The following RBFOX1 variants were observed in gnomAD, a reference collection of about 807,000 sequenced individuals.
RBFOX1 encodes the protein RNA binding fox-1 homolog 1.
A neutral mutation model predicts 57.7 loss-of-function variants in RBFOX1; 8 were observed. That is an observed-to-expected ratio of 0.14 (90% CI 0.08 to 0.25). The LOEUF is 0.25. Among genes scored for constraint, RBFOX1 ranks in the 10% least tolerant of loss-of-function variants. RBFOX1 has a pLI of 1.00. For missense variants in RBFOX1, 611 were observed against 548.5 expected, an observed-to-expected ratio of 1.11 and a Z score of -1.14; for synonymous variants, 326 against 222.4, an observed-to-expected ratio of 1.47 and a Z score of -4.15.
chr16:6,804,245 T>G (rs1339733758), intron 3 of RBFOX1, among the ~76,000 whole-genome samples: 1 of 151,772 alleles, frequency 6.6e-6, no homozygotes, highest in Non-Finnish European at 1.5e-5. Flanking sequence ...CCTGACCTCT[T>G]GATCCGCCCA....
chr16:5,335,124 A>G (rs8046089), intron 1 of RBFOX1, among the ~76,000 whole-genome samples: 152,186 of 152,260 alleles, frequency 1, 76,056 homozygotes, highest in Middle Eastern at 1. Flanking sequence ...GCGAAGACTG[A>G]ATATTATAAA....
At chr16:5,309,695 T>G (rs2064032397) in intron 1 of RBFOX1, among the ~76,000 whole-genome samples, 1 of 152,174 alleles carries the variant, frequency 6.6e-6, no homozygotes, top group Admixed American at 6.5e-5. Flanking sequence ...TCTGGTTTGG[T>G]AATGTCATTT....
At position 6,129,715 on chromosome 16, in the gene RBFOX1, A is replaced by AG. The variant is rs570778179; in HGVS notation, c.-127+109723_-127+109724insG. 4.6e-5 allele frequency among the ~76,000 whole-genome samples: 7 copies of AG among 151,004 alleles called. No homozygotes were observed. In the South Asian group the frequency reaches 1.0e-3, roughly 22 times the overall value. ...TACAGGTAGAATTAAAAAAAAAAAA[A>AG]AGAACTAAACTCAGACATCAGTCAT... is the stretch of plus-strand genomic sequence containing the variant. On this transcript the variant is annotated intron_variant, in intron 1 of 15. Coordinates refer to ENST00000550418, the MANE Select transcript of RBFOX1 (RefSeq NM_018723.4).
At chr16:7,248,289 C>T (rs138047131) in intron 4 of RBFOX1, among the ~76,000 whole-genome samples, 1 of 152,174 alleles carries the variant, frequency 6.6e-6, no homozygotes, top group Non-Finnish European at 1.5e-5. Context: ...TGCTGCCTTT[C>T]CTACCTACTG....
In RBFOX1 at chr16:7,457,345, C is replaced by T. The variant is rs114333819; in HGVS notation, c.28-60802C>T. 4.4e-3 allele frequency among the ~76,000 whole-genome samples: 677 copies of T among 152,274 alleles called. 4 individuals are homozygous for T. The highest frequency in any genetic ancestry group is 0.016 in the African/African-American group (656 of 41,546). On this transcript the variant is annotated intron_variant, in intron 4 of 15. Coordinates refer to ENST00000550418, the MANE Select transcript of RBFOX1 (RefSeq NM_018723.4). ...GCTGGGCCTCCTGACATTGGTGACC[C>T]AGTTCTGAATTCCAGAATGACAGTT...
intron 4 of RBFOX1, among the ~76,000 whole-genome samples, chr16:7,105,785 T>TAG: frequency 6.8e-6 from 1 of 147,106 alleles, no homozygotes. Context: ...TAGATGTATA[T>TAG]AGAGATAGAT....
At chr16:7,232,688 A>T (rs1253358276) in intron 4 of RBFOX1, among the ~76,000 whole-genome samples, 1 of 151,976 alleles carries the variant, frequency 6.6e-6, no homozygotes, top group Non-Finnish European at 1.5e-5. Context: ...CTAAAAATGC[A>T]AAATTAGCTG....
At chr16:6,844,466 G>T (rs546160753) in intron 3 of RBFOX1, among the ~76,000 whole-genome samples, 2 of 152,030 alleles carry the variant, frequency 1.3e-5, no homozygotes, top group Admixed American at 6.6e-5. Flanking sequence ...CTGTTCCTGC[G>T]TTAGTTATCT....
intron 3 of RBFOX1, among the ~76,000 whole-genome samples, chr16:6,654,984 CAT>C (rs547996026): frequency 2.4e-3 from 225 of 92,226 alleles, no homozygotes; most frequent in African/African-American, 8.6e-3. Context: ...TTGTGTGTAT[CAT>C]ATGTATAATT....
At chr16:6,775,266 C>T (rs914063634) in intron 3 of RBFOX1, among the ~76,000 whole-genome samples, 4 of 142,088 alleles carry the variant, frequency 2.8e-5, no homozygotes, top group African/African-American at 7.8e-5. Context: ...GGAGGCCGAG[C>T]TTGCAGTGAG....
intron 3 of RBFOX1, among the ~76,000 whole-genome samples, chr16:6,905,080 C>A (rs903730144): frequency 3.3e-5 from 5 of 152,214 alleles, no homozygotes; most frequent in African/African-American, 1.2e-4. Context: ...GTTTAACTTT[C>A]TTCCCTGGGA....
At chr16:7,002,029 G>A (rs538997058) in intron 3 of RBFOX1, among the ~76,000 whole-genome samples, 21 of 152,158 alleles carry the variant, frequency 1.4e-4, no homozygotes, top group Non-Finnish European at 2.6e-4. Context: ...AGTTGATTCA[G>A]GGATGGGCAT....
chr16:7,023,308 A>G (rs561981501), intron 3 of RBFOX1, among the ~76,000 whole-genome samples: 1 of 151,760 alleles, frequency 6.6e-6, no homozygotes, highest in Non-Finnish European at 1.5e-5. Context: ...AAAATACAAA[A>G]AGTTAGCTGG....
intron 1 of RBFOX1, among the ~76,000 whole-genome samples, chr16:5,314,323 G>A (rs549819317): frequency 3.3e-5 from 5 of 152,278 alleles, no homozygotes; most frequent in African/African-American, 1.2e-4. Context: ...TGTGGAGTGT[G>A]GAGAGGGGGA....
At chr16:7,560,061 G>A (rs1391956198) in intron 5 of RBFOX1, among the ~76,000 whole-genome samples, 3 of 152,348 alleles carry the variant, frequency 2.0e-5, no homozygotes, top group Non-Finnish European at 4.4e-5. Context: ...ACTCTGGGAT[G>A]GGGCCCAGAA....
intron 4 of RBFOX1, among the ~76,000 whole-genome samples, chr16:5,945,136 A>G (rs974042597): frequency 2.6e-5 from 4 of 152,018 alleles, no homozygotes; most frequent in Non-Finnish European, 5.9e-5. Flanking sequence ...CCAGGCTTAG[A>G]TGGTTCTGGC....
chr16:7,337,471 C>T (rs2096812257), intron 4 of RBFOX1, among the ~76,000 whole-genome samples: 2 of 152,068 alleles, frequency 1.3e-5, no homozygotes, highest in Non-Finnish European at 2.9e-5. Context: ...TGAGATAGAG[C>T]CTTGGCGTCT....
At chr16:6,854,587 A>ATTTTTTTTTTTTTTTTTTTTTTTT (rs71147611) in intron 3 of RBFOX1, among the ~76,000 whole-genome samples, 2 of 70,652 alleles carry the variant, frequency 2.8e-5, no homozygotes, top group Admixed American at 2.0e-4. Context: ...GGAGAGGTGA[A>ATTTTTTTTTTTTTTTTTTTTTTTT]TTTTTTTTTT....
chr16:6,348,350 G>A (rs1412413958), intron 2 of RBFOX1, among the ~76,000 whole-genome samples: 3 of 152,110 alleles, frequency 2.0e-5, no homozygotes, highest in African/African-American at 4.8e-5. Flanking sequence ...TTGGAGAATT[G>A]AATGAGATAC....
Sources: allele counts gnomAD v4.1 joint callset (sites outside exome capture counted in the v4.1 genomes callset), GRCh38; gene constraint gnomAD v4.1.1; transcripts MANE v1.5; gene names NCBI Gene and HGNC (gene_info 2026-07-23, HGNC 2026-07-21).